GALNT17: variants seen among roughly 807,000 people sequenced by gnomAD.
GALNT17 encodes polypeptide N-acetylgalactosaminyltransferase 17.
GALNT17 carries 29 observed loss-of-function variants against 63.7 expected under a neutral mutation model. The ratio of observed to expected loss-of-function variants is 0.46; its 90% CI spans 0.34 to 0.62. The LOEUF is 0.62. Ranked by LOEUF, GALNT17 falls within the 20% of genes least tolerant of loss-of-function variation. GALNT17 has a pLI of 0.01. For missense variants in GALNT17, 603 were observed against 799.6 expected, an observed-to-expected ratio of 0.75 and a Z score of 2.97; for synonymous variants, 305 against 318.3, an observed-to-expected ratio of 0.96 and a Z score of 0.45.
At chr7:71,189,299 A>G (rs1259026386) in intron 1 of GALNT17, among the ~76,000 whole-genome samples, 2 of 152,276 alleles carry the variant, frequency 1.3e-5, no homozygotes, top group East Asian at 3.9e-4. Context: ...CCCCAGCCAC[A>G]TGGAATTGTG....
rs1249712291 is a variant in GALNT17 at position 71,410,475 on chromosome 7, A to T, written c.590-5414A>T. On this transcript the variant is annotated intron_variant, in intron 3 of 10. Transcript: ENST00000333538. Reference sequence around the variant, plus strand: ...TGGCCAGGCTGGTCTTGAACTCCTGACCTCAGGTGATCCACCCACCTTGGC... The same window carrying T: ...TGGCCAGGCTGGTCTTGAACTCCTGTCCTCAGGTGATCCACCCACCTTGGC... 2.6e-5 allele frequency among the ~76,000 whole-genome samples: 4 copies of T among 152,262 alleles called. No individual in the cohort carries two copies. In the East Asian group the frequency reaches 7.7e-4, roughly 29 times the overall value.
intron 1 of GALNT17, among the ~76,000 whole-genome samples, chr7:71,195,961 C>T (rs1789041133): frequency 6.6e-6 from 1 of 152,026 alleles, no homozygotes; most frequent in South Asian, 2.1e-4. Flanking sequence ...CCCTAATGAG[C>T]TTCTCTAATG....
At chr7:71,165,205 G>A (rs1295489464) in intron 1 of GALNT17, among the ~76,000 whole-genome samples, 1 of 152,198 alleles carries the variant, frequency 6.6e-6, no homozygotes, top group Non-Finnish European at 1.5e-5. Context: ...GGATTGGGAA[G>A]GGCAGCTGGC....
At chr7:71,303,310 C>A (rs1032580046) in intron 1 of GALNT17, among the ~76,000 whole-genome samples, 2 of 152,154 alleles carry the variant, frequency 1.3e-5, no homozygotes, top group African/African-American at 4.8e-5. Flanking sequence ...AACACCACTA[C>A]ACCCAGCTAA....
chr7:71,557,825 C>A (rs1250102347), intron 5 of GALNT17, among the ~76,000 whole-genome samples: 1 of 151,898 alleles, frequency 6.6e-6, no homozygotes, highest in Non-Finnish European at 1.5e-5. Flanking sequence ...GTAATCCCAG[C>A]ACTTTGGGAG....
chr7:71,296,531 A>T (rs202209269), intron 1 of GALNT17, among the ~76,000 whole-genome samples: 1 of 151,794 alleles, frequency 6.6e-6, no homozygotes, highest in African/African-American at 2.4e-5. Flanking sequence ...AGGGAGAATC[A>T]CTTGAACCCA....
chr7:71,352,823 C>T (rs921994299), intron 2 of GALNT17, among the ~76,000 whole-genome samples: 1 of 151,964 alleles, frequency 6.6e-6, no homozygotes, highest in African/African-American at 2.4e-5. Flanking sequence ...AGGTAGAAAT[C>T]CAGGAAAAAG....
intron 5 of GALNT17, among the ~76,000 whole-genome samples, chr7:71,445,159 A>G (rs889932679): frequency 2.1e-5 from 3 of 145,136 alleles, no homozygotes; most frequent in Non-Finnish European, 4.5e-5. Context: ...GGGTGGAGCC[A>G]CCTTTTTTTT....
chr7:71,691,178 A>G (rs1238759478), intron 9 of GALNT17, among the ~76,000 whole-genome samples: 1 of 152,154 alleles, frequency 6.6e-6, no homozygotes, highest in Non-Finnish European at 1.5e-5. Context: ...CCCAACATTC[A>G]GCAACCACCA....
chr7:71,401,598 C>G (rs551453431), intron 3 of GALNT17, among the ~76,000 whole-genome samples: 1 of 152,086 alleles, frequency 6.6e-6, no homozygotes. Context: ...CCCCATTGCT[C>G]GCGTTACCAC....
At chr7:71,625,627 T>G (rs943014295) in intron 6 of GALNT17, among the ~76,000 whole-genome samples, 3 of 152,148 alleles carry the variant, frequency 2.0e-5, no homozygotes, top group African/African-American at 7.2e-5. Flanking sequence ...ACCCTGGGTT[T>G]GAGCTCAGAG....
intron 1 of GALNT17, among the ~76,000 whole-genome samples, chr7:71,264,988 C>A (rs1790462106): frequency 6.7e-6 from 1 of 150,372 alleles, no homozygotes; most frequent in African/African-American, 2.4e-5. Context: ...TTGAAATGTT[C>A]CCAATTCATA....
intron 5 of GALNT17, among the ~76,000 whole-genome samples, chr7:71,548,354 A>G (rs1789020983): frequency 6.6e-6 from 1 of 152,192 alleles, no homozygotes; most frequent in African/African-American, 2.4e-5. Context: ...AAGGACAGCA[A>G]TCTTTTTTTA....
At chr7:71,458,488 A>G (rs1787393994) in intron 5 of GALNT17, among the ~76,000 whole-genome samples, 1 of 152,296 alleles carries the variant, frequency 6.6e-6, no homozygotes, top group Admixed American at 6.5e-5. Flanking sequence ...GTACTCAGAT[A>G]CATTTAGCTC....
At chr7:71,500,370 T>G (rs1171134674) in intron 5 of GALNT17, among the ~76,000 whole-genome samples, 1 of 152,182 alleles carries the variant, frequency 6.6e-6, no homozygotes, top group African/African-American at 2.4e-5. Flanking sequence ...TGCACGATGA[T>G]TTTGAACTCA....
At chr7:71,680,546 C>CCCTCCCTCCCTGTCTT (rs1791236762) in intron 9 of GALNT17, among the ~76,000 whole-genome samples, 1 of 21,416 alleles carries the variant, frequency 4.7e-5, no homozygotes, top group African/African-American at 1.2e-4. Flanking sequence ...CTCCCTTCCT[C>CCCTCCCTCCCTGTCTT]CCTCCCTCTC....
At chr7:71,154,112 G>A (rs2867041) in intron 1 of GALNT17, among the ~76,000 whole-genome samples, 50,796 of 151,904 alleles carry the variant, frequency 0.33, 8,897 homozygotes, top group Middle Eastern at 0.38. Context: ...AAAGGGTGAG[G>A]GAGCCTCTGC....
At chr7:71,391,050 A>C (rs1793040186) in intron 3 of GALNT17, among the ~76,000 whole-genome samples, 1 of 152,218 alleles carries the variant, frequency 6.6e-6, no homozygotes, top group Non-Finnish European at 1.5e-5. Flanking sequence ...GTGTGTCTGC[A>C]CAGTGGACTC....
chr7:71,279,496 G>T (rs1391059579), intron 1 of GALNT17, among the ~76,000 whole-genome samples: 1 of 151,934 alleles, frequency 6.6e-6, no homozygotes, highest in East Asian at 1.9e-4. Flanking sequence ...CTCTGTGTGT[G>T]TCTGGGCATT....
Sources: allele counts gnomAD v4.1 joint callset (sites outside exome capture counted in the v4.1 genomes callset), GRCh38; gene constraint gnomAD v4.1.1; transcripts MANE v1.5; gene names NCBI Gene and HGNC (gene_info 2026-07-23, HGNC 2026-07-21).